Variants in CRNKL1 observed in about 807,000 individuals in gnomAD.
The protein encoded by CRNKL1 is crooked neck pre-mRNA splicing factor 1.
Under a neutral mutation model 103.7 loss-of-function variants are expected in CRNKL1, and 35 were observed. The observed-to-expected ratio is 0.34, with a 90% confidence interval of 0.26 to 0.45. The LOEUF (loss-of-function observed/expected upper bound fraction) is 0.45. Among genes scored for constraint, CRNKL1 ranks in the 20% least tolerant of loss-of-function variants. The pLI is 1.00. For synonymous variants in CRNKL1, 267 were observed against 282.6 expected (o/e 0.94, Z 0.55); for missense variants, 645 against 836.0 (o/e 0.77, Z 2.82).
At position 20,035,976 on chromosome 20, in the gene CRNKL1, A is replaced by ACTC. The variant is rs371558462; in HGVS notation, c.*216_*218dup. ...GTGGACAGACATTAGAAAAGTTTGG[A>ACTC]CTCAGTTGGAAAAACAAATCCAGCA... On this transcript the variant is annotated 3_prime_UTR_variant, in exon 14 of 14. Transcript: ENST00000536226. 44 of 503,100 alleles carry ACTC rather than the reference A, an allele frequency of 8.7e-5. No homozygotes were observed. The highest frequency in any genetic ancestry group is 8.1e-4 in the African/African-American group (42 of 51,766). The allele number at this position is 503,100 out of a possible 1,614,324, so 31.2% of individuals were successfully genotyped here.
chr20:20,051,078 T>C (rs1285651286), intron 1 of CRNKL1, among the ~76,000 whole-genome samples: 2 of 152,190 alleles, frequency 1.3e-5, no homozygotes, highest in African/African-American at 4.8e-5. Flanking sequence ...GCAATTTCAG[T>C]AAGTTCTCAT....
At position 20,038,469 on chromosome 20, in the gene CRNKL1, T is replaced by C. The variant is rs1444639281; in HGVS notation, c.1546-19A>G. On this transcript the variant is annotated intron_variant, in intron 11 of 13. Transcript: ENST00000536226. ...AAAGCACCTAAGGAAGAAAAGTAAA[T>C]GGGTCAGTCTTGACATTTACAAAGC... The C allele has an allele frequency of 4.9e-6, 7 of 1,436,124 alleles. No homozygotes were observed. The South Asian group carries it at 8.6e-5, about 18-fold the overall frequency. The allele number at this position is 1,436,124 out of a possible 1,614,324, so 89.0% of individuals were successfully genotyped here.
rs779658154 is a variant in CRNKL1 at position 20,049,405 on chromosome 20, G to A, written c.231C>T (p.Asn77=). ...RKTFEDNIRK[N]RTVISNWIKY... ...TTATCCAGTTACTAATCACAGTCCTGTTTTTTCTTATATTATCTTCAAAAG... is the reference window on the plus strand; with the variant it reads ...TTATCCAGTTACTAATCACAGTCCTATTTTTTCTTATATTATCTTCAAAAG... Residue 77 remains asparagine, a synonymous_variant, in exon 3 of 14, where the codon AAC becomes AAT. Coordinates refer to ENST00000536226, the MANE Select transcript of CRNKL1 (RefSeq NM_001278628.2). 7 of 1,600,264 alleles carry A rather than the reference G, an allele frequency of 4.4e-6. No individual in the cohort carries two copies. Among genetic ancestry groups the A allele is most frequent in the African/African-American group, 4.0e-5 (3 of 74,374 alleles).
upstream of CRNKL1, chr20:20,052,760 T>C (rs1292511505): frequency 6.4e-7 from 1 of 1,554,216 alleles, no homozygotes; most frequent in South Asian, 1.2e-5. Context: ...ATCTGGATGC[T>C]CGAGGGCGGG....
At chr20:20,052,572 G>A (rs761105056), upstream of CRNKL1, 4 of 1,613,776 alleles carry the variant, frequency 2.5e-6, no homozygotes, top group Non-Finnish European at 3.4e-6. Context: ...GGAGTGCGGC[G>A]TCCTGGAGCT....
At chr20:20,052,819 G>T (rs539705536), upstream of CRNKL1, 5 of 1,238,660 alleles carry the variant, frequency 4.0e-6, no homozygotes, top group South Asian at 5.9e-5. Flanking sequence ...GCGACGGGGC[G>T]AGCTGCCGCC....
At position 20,041,564 on chromosome 20, in the gene CRNKL1, AC is replaced by A. The variant is rs2043515287; in HGVS notation, c.1224+1del. 2 of 1,610,514 alleles carry A rather than the reference AC, an allele frequency of 1.2e-6. No homozygotes were observed. Among genetic ancestry groups the A allele is most frequent in the Non-Finnish European group, 8.5e-7 (1 of 1,176,712 alleles). Reference sequence around the variant, plus strand: ...AAATGGAACACTTTAGAGCAAACATACCTTTTTGTGAGGAATTAGTTCCAAA... The same window carrying A: ...AAATGGAACACTTTAGAGCAAACATACTTTTTGTGAGGAATTAGTTCCAAA... On this transcript the variant is annotated splice_donor_variant, in intron 9 of 13. Coordinates refer to ENST00000536226, the MANE Select transcript of CRNKL1 (RefSeq NM_001278628.2). LOFTEE classifies it high-confidence loss of function.
At position 20,043,653 on chromosome 20, in the gene CRNKL1, C is replaced by T; in HGVS notation, c.811G>A (p.Val271Ile). Residue 271 changes from valine (V) to isoleucine (I), a missense_variant, in exon 7 of 14, where the codon GTA becomes ATA. Val to Ile is a conservative substitution (Grantham distance 29). Coordinates refer to ENST00000536226, the MANE Select transcript of CRNKL1 (RefSeq NM_001278628.2). ...FEENQKEFER[V>I]RVIYKYALDR... is the part of the protein sequence containing the mutation. The stretch of plus-strand genomic sequence containing the variant: ...AGGGCATACTTGTAAATCACTCGTA[C>T]CCTTTCAAACTAAATGCAGACAGGA... 6.2e-7 allele frequency: 1 copy of T among 1,612,260 alleles called. No individual in the cohort carries two copies. The highest frequency in any genetic ancestry group is 8.5e-7 in the Non-Finnish European group (1 of 1,178,438).
chr20:20,052,493 T>A (rs2255258), upstream of CRNKL1: 985,786 of 1,614,042 alleles, frequency 0.61, 305,254 homozygotes, highest in East Asian at 0.94. Context: ...GACCTCTCGC[T>A]TGAGCCGTGA....
Position 20,035,333 on chromosome 20 carries a change from CTT to C in CRNKL1, c.*860_*861del, listed in dbSNP as rs2043402819. The C allele has an allele frequency of 6.6e-6, 1 of 152,264 alleles. No homozygotes were observed. Among genetic ancestry groups the C allele is most frequent in the East Asian group, 1.9e-4 (1 of 5,182 alleles). 9.4% of individuals were successfully genotyped at this position (152,264 alleles called of 1,614,324 possible). A position where few individuals can be genotyped will look rare whatever the true frequency, so the allele number is the denominator to read the frequency against. On this transcript the variant is annotated 3_prime_UTR_variant, in exon 14 of 14. Coordinates refer to ENST00000536226, the MANE Select transcript of CRNKL1 (RefSeq NM_001278628.2). ...CTATAAAGAGATTTGATTAACGAGACTTAAGTCTTAGTCCAGAATTTCCCAAA... is the reference window on the plus strand; with the variant it reads ...CTATAAAGAGATTTGATTAACGAGACAAGTCTTAGTCCAGAATTTCCCAAA...
chr20:20,050,322 G>C (rs1282200517), intron 2 of CRNKL1, 148 bp downstream of exon 2: 2 of 571,076 alleles, frequency 3.5e-6, no homozygotes, highest in East Asian at 5.8e-5. Context: ...GAAAAATGCT[G>C]TTATCTGGTA....
Position 20,049,325 on chromosome 20 carries a change from T to G in CRNKL1, c.296+15A>C. 7.4e-7 allele frequency: 1 copy of G among 1,352,958 alleles called. No homozygotes were observed. The highest frequency in any genetic ancestry group is 1.0e-6 in the Non-Finnish European group (1 of 954,842). The allele number at this position is 1,352,958 out of a possible 1,614,324, so 83.8% of individuals were successfully genotyped here. ...TGAATCATTATATACAAAACTACACTCTCAGTAATTTTACCTTTGAATCTC... is the reference window on the plus strand; with the variant it reads ...TGAATCATTATATACAAAACTACACGCTCAGTAATTTTACCTTTGAATCTC... On this transcript the variant is annotated intron_variant, in intron 3 of 13. Transcript: ENST00000536226.
chr20:20,049,209 T>C (rs2043643892), intron 3 of CRNKL1, 131 bp downstream of exon 3: 4 of 608,506 alleles, frequency 6.6e-6, no homozygotes, highest in Non-Finnish European at 1.1e-5. Context: ...TAGGGTTCCA[T>C]GGAACCAAAG....
upstream of CRNKL1, among the ~76,000 whole-genome samples, chr20:20,054,185 C>A (rs2044078436): frequency 6.6e-6 from 1 of 151,878 alleles, no homozygotes; most frequent in African/African-American, 2.4e-5. Context: ...CTAGTTCTTT[C>A]TACAAGATTC....
chr20:20,036,824 T>C (rs754814206), intron 13 of CRNKL1, among the ~76,000 whole-genome samples: 16 of 152,314 alleles, frequency 1.1e-4, no homozygotes, highest in Admixed American at 2.6e-4. Context: ...AGTTCCAGCT[T>C]CCATGTCTTG....
upstream of CRNKL1, chr20:20,052,727 A>G: frequency 8.1e-6 from 13 of 1,600,536 alleles, no homozygotes; most frequent in South Asian, 7.8e-5. Context: ...GGCGCCCTGC[A>G]AGGGAGTAAG....
At position 20,038,375 on chromosome 20, in the gene CRNKL1, A is replaced by C. The variant is rs76980563; in HGVS notation, c.1621T>G (p.Leu541Val). 1 of 1,550,932 alleles carries C rather than the reference A, an allele frequency of 6.4e-7. No individual in the cohort carries two copies. Among genetic ancestry groups the C allele is most frequent in the Non-Finnish European group, 8.7e-7 (1 of 1,145,968 alleles). The change falls in exon 12 of 14, where the codon TTG (leucine) becomes GTG (valine). Residue 541 changes from leucine (L) to valine (V), a missense_variant. By Grantham distance (32) the Leu-to-Val change is conservative. Transcript: ENST00000536226. ...TERTRNLYRR[L>V]LQRTQHVKVW... ...TTGACATGCTGCGTCCGTTGAAGCA[A>C]CCGCCGGTAAAGGTTTCGTGTTCTT...
At chr20:20,052,146 C>T in intron 1 of CRNKL1, 146 bp downstream of exon 1, 1 of 742,364 alleles carries the variant, frequency 1.3e-6, no homozygotes, top group Non-Finnish European at 2.1e-6. Context: ...AGAGCCCGCG[C>T]CCCACCACCA....
chr20:20,045,148 C>T (rs529500946), intron 6 of CRNKL1, among the ~76,000 whole-genome samples, 160 bp downstream of exon 6: 1 of 152,160 alleles, frequency 6.6e-6, no homozygotes, highest in African/African-American at 2.4e-5. Context: ...GTAGCTTAGT[C>T]ACATATATAT....
Sources: allele counts gnomAD v4.1 joint callset (sites outside exome capture counted in the v4.1 genomes callset), GRCh38; gene constraint gnomAD v4.1.1; transcripts MANE v1.5; gene names NCBI Gene and HGNC (gene_info 2026-07-23, HGNC 2026-07-21).